Variants in TLE1 observed in about 807,000 individuals in gnomAD.
TLE1 encodes TLE family member 1, transcriptional corepressor.
Under a neutral mutation model 89.8 loss-of-function variants are expected in TLE1, and 21 were observed. The ratio of observed to expected loss-of-function variants is 0.23; its 90% CI spans 0.17 to 0.34. The LOEUF is 0.34. Among genes scored for constraint, TLE1 ranks in the 10% least tolerant of loss-of-function variants. The pLI is 1.00. For synonymous variants in TLE1, 447 were observed against 407.6 expected, an observed-to-expected ratio of 1.10 and a Z score of -1.16; for missense variants, 795 against 1,031.2, an observed-to-expected ratio of 0.77 and a Z score of 3.14.
rs1004252328 is a variant in TLE1 at position 81,623,436 on chromosome 9, C to A, written c.595-2879G>T. ...AATCGAGGCAACATTTATGAGGACA[C>A]CATTTGCAAAAGAATGAAACAGAGG... On this transcript the variant is annotated intron_variant, in intron 8 of 19. Coordinates refer to ENST00000376499, the MANE Select transcript of TLE1 (RefSeq NM_005077.5). Among the ~76,000 whole-genome samples the A allele has an allele frequency of 5.9e-5, 9 of 152,162 alleles. No homozygotes were observed. In the East Asian group the frequency reaches 1.7e-3, roughly 29 times the overall value.
At chr9:81,627,626 G>C (rs1462960480) in intron 8 of TLE1, among the ~76,000 whole-genome samples, 1 of 152,086 alleles carries the variant, frequency 6.6e-6, no homozygotes, top group African/African-American at 2.4e-5. Context: ...AAACCTAAGT[G>C]TTTTCCATTG....
chr9:81,586,849 A>T (rs1399414039), intron 17 of TLE1, among the ~76,000 whole-genome samples: 1 of 151,914 alleles, frequency 6.6e-6, no homozygotes, highest in African/African-American at 2.4e-5. Context: ...AAACAGCAAG[A>T]CTCTAAGAAA....
rs142189746 is a variant in TLE1 at position 81,616,120 on chromosome 9, C to T, written c.780G>A (p.Pro260=). The T allele has an allele frequency of 1.6e-4, 266 of 1,612,226 alleles. No individual in the cohort carries two copies. The highest frequency in any genetic ancestry group is 2.9e-4 in the Admixed American group (17 of 59,412). ...VDVSNEDPSS[P]RASPAHSPRE... ...GGGGCGAGTGGGCAGGGCTTGCTCG[C>T]GGAGAAGAAGGGTCCTCAACAAGCA... The change falls in exon 11 of 20, where the codon CCG becomes CCA. Residue 260 remains proline, a synonymous_variant. Coordinates refer to ENST00000376499, the MANE Select transcript of TLE1 (RefSeq NM_005077.5).
At chr9:81,665,779 A>G (rs1283761933) in intron 4 of TLE1, among the ~76,000 whole-genome samples, 1 of 151,948 alleles carries the variant, frequency 6.6e-6, no homozygotes, top group African/African-American at 2.4e-5. Flanking sequence ...AACTCTATTC[A>G]TTGGTTCTCC....
chr9:81,667,476 AAAAGG>A (rs1413710802), intron 4 of TLE1, among the ~76,000 whole-genome samples: 1 of 152,130 alleles, frequency 6.6e-6, no homozygotes, highest in East Asian at 1.9e-4. Context: ...TAGATGGTAG[AAAAGG>A]AACTTTCTGC....
chr9:81,596,088 T>C (rs1429223747), intron 14 of TLE1, among the ~76,000 whole-genome samples: 7 of 152,132 alleles, frequency 4.6e-5, no homozygotes, highest in Non-Finnish European at 1.0e-4. Flanking sequence ...CTGCTTATCA[T>C]AGAGTTAAAT....
At chr9:81,665,173 C>G (rs1418637025) in intron 4 of TLE1, among the ~76,000 whole-genome samples, 1 of 152,200 alleles carries the variant, frequency 6.6e-6, no homozygotes, top group African/African-American at 2.4e-5. Context: ...GGCAAGAACA[C>G]AAACCGGGGG....
chr9:81,586,296 C>G (rs1828443669), intron 17 of TLE1, among the ~76,000 whole-genome samples: 1 of 152,140 alleles, frequency 6.6e-6, no homozygotes, highest in East Asian at 1.9e-4. Context: ...GGATTACAGG[C>G]GTGAGCCTCC....
chr9:81,677,898 G>GTATA (rs1833109097), intron 4 of TLE1, among the ~76,000 whole-genome samples: 1 of 152,192 alleles, frequency 6.6e-6, no homozygotes, highest in Non-Finnish European at 1.5e-5. Context: ...GTACAGTGGT[G>GTATA]TATATCTAGC....
At chr9:81,662,242 C>T (rs1830889371) in intron 4 of TLE1, among the ~76,000 whole-genome samples, 1 of 152,140 alleles carries the variant, frequency 6.6e-6, no homozygotes, top group South Asian at 2.1e-4. Flanking sequence ...ATACGCTACA[C>T]ACCAACCCAC....
At chr9:81,666,517 C>T (rs1329289827) in intron 4 of TLE1, among the ~76,000 whole-genome samples, 2 of 152,014 alleles carry the variant, frequency 1.3e-5, no homozygotes, top group African/African-American at 4.8e-5. Context: ...TGGCTCACAC[C>T]TGTAATCCCA....
At chr9:81,636,242 C>T (rs112431086) in intron 6 of TLE1, among the ~76,000 whole-genome samples, 151 of 152,232 alleles carry the variant, frequency 9.9e-4, no homozygotes, top group African/African-American at 3.5e-3. Flanking sequence ...CTTGCTCTGT[C>T]ACCTTTTAAG....
chr9:81,667,884 C>A (rs2132883518), intron 4 of TLE1, among the ~76,000 whole-genome samples: 1 of 152,240 alleles, frequency 6.6e-6, no homozygotes, highest in Admixed American at 6.5e-5. Context: ...ATACTCAGAC[C>A]CGGGCGTGAT....
intron 6 of TLE1, among the ~76,000 whole-genome samples, chr9:81,641,616 A>G (rs1182918202): frequency 6.6e-6 from 1 of 152,252 alleles, no homozygotes; most frequent in African/African-American, 2.4e-5. Context: ...AAATGGGCAA[A>G]GGACCTCCTG....
intron 2 of TLE1, among the ~76,000 whole-genome samples, chr9:81,686,758 T>C (rs996178354): frequency 4.6e-5 from 7 of 152,158 alleles, no homozygotes; most frequent in African/African-American, 1.7e-4. Flanking sequence ...CTGAGATGGA[T>C]ATAAATGTGA....
At chr9:81,621,950 G>A (rs1057152828) in intron 8 of TLE1, among the ~76,000 whole-genome samples, 17 of 152,136 alleles carry the variant, frequency 1.1e-4, no homozygotes, top group Non-Finnish European at 1.8e-4. Context: ...AGGGACCAAC[G>A]CAATTCAATA....
intron 2 of TLE1, among the ~76,000 whole-genome samples, chr9:81,687,081 A>G (rs1033307632): frequency 6.6e-6 from 1 of 152,230 alleles, no homozygotes; most frequent in African/African-American, 2.4e-5. Context: ...TGCAACTCCT[A>G]AAGACATGAA....
intron 4 of TLE1, among the ~76,000 whole-genome samples, chr9:81,682,032 G>A (rs1458452463): frequency 6.6e-6 from 1 of 151,972 alleles, no homozygotes; most frequent in East Asian, 1.9e-4. Flanking sequence ...GATCACTTGA[G>A]GTCAGGAGTT....
At chr9:81,687,190 T>G in intron 2 of TLE1, 144 bp downstream of exon 2, 13 of 579,490 alleles carry the variant, frequency 2.2e-5, no homozygotes, top group South Asian at 7.8e-5. Context: ...GGAAAGGGGG[T>G]AACTTGAATG....
Sources: gnomAD v4.1 joint callset for allele counts (sites outside exome capture counted in the v4.1 genomes callset) on GRCh38, gnomAD v4.1.1 for gene constraint, MANE v1.5 for transcripts, NCBI Gene and HGNC (gene_info 2026-07-23, HGNC 2026-07-21) for gene names.